The following NCAM2 variants were observed in gnomAD, a reference collection of about 807,000 sequenced individuals.
NCAM2 encodes neural cell adhesion molecule 2.
A neutral mutation model predicts 98.1 loss-of-function variants in NCAM2; 30 were observed. That is an observed-to-expected ratio of 0.31 (90% CI 0.23 to 0.41). NCAM2 has a LOEUF of 0.41. Ranked by LOEUF, NCAM2 falls within the 10% of genes least tolerant of loss-of-function variation. The pLI is 1.00. For synonymous variants in NCAM2, 368 were observed against 342.4 expected (o/e 1.07, Z -0.83); for missense variants, 867 against 1,005.8 (o/e 0.86, Z 1.87).
chr21:21,413,489 A>T (rs1029886501), intron 10 of NCAM2, among the ~76,000 whole-genome samples: 1 of 152,216 alleles, frequency 6.6e-6, no homozygotes, highest in African/African-American at 2.4e-5. Flanking sequence ...CAGCATTTTT[A>T]GCTGGATACA....
At chr21:21,474,612 C>G (rs1984909819) in intron 14 of NCAM2, among the ~76,000 whole-genome samples, 1 of 151,780 alleles carries the variant, frequency 6.6e-6, no homozygotes, top group African/African-American at 2.4e-5. Context: ...AGTATTTCCA[C>G]AAAAATATTT....
intron 1 of NCAM2, among the ~76,000 whole-genome samples, chr21:21,193,207 CA>C (rs1342645696): frequency 9.9e-5 from 15 of 152,178 alleles, no homozygotes; most frequent in African/African-American, 3.6e-4. Flanking sequence ...AATAAGCACT[CA>C]GATTACAGTT....
chr21:21,482,761 G>C (rs1055741394), intron 15 of NCAM2, among the ~76,000 whole-genome samples: 4 of 115,694 alleles, frequency 3.5e-5, no homozygotes, highest in African/African-American at 1.1e-4. Context: ...AAATAATTTT[G>C]TAATTAATAT....
chr21:21,394,231 A>C (rs1315868071), intron 9 of NCAM2, among the ~76,000 whole-genome samples: 1 of 152,128 alleles, frequency 6.6e-6, no homozygotes, highest in Non-Finnish European at 1.5e-5. Context: ...CATGGACTGA[A>C]TCCAGTTAAT....
intron 15 of NCAM2, among the ~76,000 whole-genome samples, chr21:21,496,473 T>C (rs1219134427): frequency 6.6e-6 from 1 of 152,098 alleles, no homozygotes; most frequent in African/African-American, 2.4e-5. Context: ...ATTCATTTAT[T>C]GCTGGTTGAT....
chr21:21,391,664 G>C (rs964689708), intron 9 of NCAM2, among the ~76,000 whole-genome samples: 1 of 152,126 alleles, frequency 6.6e-6, no homozygotes, highest in Non-Finnish European at 1.5e-5. Context: ...CTCTGCTTTA[G>C]TATTGTGGAC....
chr21:21,109,111 A>G (rs1207826406), intron 1 of NCAM2, among the ~76,000 whole-genome samples: 1 of 152,132 alleles, frequency 6.6e-6, no homozygotes, highest in Non-Finnish European at 1.5e-5. Context: ...ATCAGTCATA[A>G]TTTGTGCAGT....
chr21:21,138,440 G>A (rs574093464), intron 1 of NCAM2, among the ~76,000 whole-genome samples: 161 of 148,454 alleles, frequency 1.1e-3, no homozygotes, highest in African/African-American at 3.7e-3. Context: ...TACAGTAGTC[G>A]TAGTTCCCCA....
intron 5 of NCAM2, among the ~76,000 whole-genome samples, chr21:21,307,555 C>A (rs1568915124): frequency 6.6e-6 from 1 of 152,152 alleles, no homozygotes; most frequent in Non-Finnish European, 1.5e-5. Flanking sequence ...GTCAGCAAGA[C>A]TATGATCTTT....
chr21:21,178,120 T>G (rs1326096938), intron 1 of NCAM2, among the ~76,000 whole-genome samples: 1 of 152,166 alleles, frequency 6.6e-6, no homozygotes, highest in Non-Finnish European at 1.5e-5. Context: ...GTATTGACAA[T>G]TAGTTACAAA....
At chr21:21,191,183 G>A (rs2068810113) in intron 1 of NCAM2, among the ~76,000 whole-genome samples, 1 of 152,176 alleles carries the variant, frequency 6.6e-6, no homozygotes, top group African/African-American at 2.4e-5. Flanking sequence ...GAAATATACA[G>A]AACAGGTGGA....
intron 9 of NCAM2, among the ~76,000 whole-genome samples, chr21:21,399,171 G>C (rs149220523): frequency 6.6e-6 from 1 of 152,256 alleles, no homozygotes; most frequent in South Asian, 2.1e-4. Flanking sequence ...TGGTTAATTT[G>C]TACATACTTT....
intron 1 of NCAM2, among the ~76,000 whole-genome samples, chr21:21,242,940 T>G (rs1170872738): frequency 2.0e-5 from 3 of 152,198 alleles, no homozygotes; most frequent in African/African-American, 7.2e-5. Context: ...GAGAAATTAT[T>G]GAAGAAAACA....
chr21:21,149,058 T>TTA (rs973873309), intron 1 of NCAM2, among the ~76,000 whole-genome samples: 2 of 152,194 alleles, frequency 1.3e-5, no homozygotes, highest in Non-Finnish European at 2.9e-5. Flanking sequence ...TGGACTCTGT[T>TTA]ATGTTCCATG....
At position 21,477,404 on chromosome 21, in the gene NCAM2, T is replaced by C; in HGVS notation, c.2010T>C (p.Asn670=). 1 of 1,611,606 alleles carries C rather than the reference T, an allele frequency of 6.2e-7. No homozygotes were observed. Among genetic ancestry groups the C allele is most frequent in the Non-Finnish European group, 8.5e-7 (1 of 1,178,324 alleles). ...MGYEVQITAA[N]RLGYSEPTVY... Reference sequence around the variant, plus strand: ...ATGAAGTTCAGATTACAGCTGCCAATAGATTGGGATATTCTGAACCGACAG... The same window carrying C: ...ATGAAGTTCAGATTACAGCTGCCAACAGATTGGGATATTCTGAACCGACAG... The change falls in exon 15 of 18, where the codon AAT becomes AAC. Residue 670 remains asparagine (N), a synonymous_variant. Coordinates refer to ENST00000400546, the MANE Select transcript of NCAM2 (RefSeq NM_004540.5).
At chr21:21,220,000 G>A (rs1284041872) in intron 1 of NCAM2, among the ~76,000 whole-genome samples, 1 of 151,870 alleles carries the variant, frequency 6.6e-6, no homozygotes, top group Non-Finnish European at 1.5e-5. Flanking sequence ...AAGAAAGAAA[G>A]CATTTATGTA....
chr21:21,166,075 C>T (rs1034577602), intron 1 of NCAM2, among the ~76,000 whole-genome samples: 4 of 152,166 alleles, frequency 2.6e-5, no homozygotes, highest in Non-Finnish European at 5.9e-5. Context: ...TGCTTAATAG[C>T]TTTTCAGGCA....
At chr21:21,106,981 T>C (rs2066362403) in intron 1 of NCAM2, among the ~76,000 whole-genome samples, 1 of 152,150 alleles carries the variant, frequency 6.6e-6, no homozygotes. Flanking sequence ...AGAAATATCT[T>C]ATCCATTAAA....
At chr21:21,456,395 C>T (rs937468492) in intron 12 of NCAM2, among the ~76,000 whole-genome samples, 1 of 152,096 alleles carries the variant, frequency 6.6e-6, no homozygotes. Flanking sequence ...CAATTTGCTC[C>T]TGTGAACTAT....
Sources: allele counts gnomAD v4.1 joint callset (sites outside exome capture counted in the v4.1 genomes callset), GRCh38; gene constraint gnomAD v4.1.1; transcripts MANE v1.5; gene names NCBI Gene and HGNC (gene_info 2026-07-23, HGNC 2026-07-21).